METAP2: variants seen among roughly 807,000 people sequenced by gnomAD.
The protein encoded by METAP2 is methionyl aminopeptidase 2.
In METAP2, 25 loss-of-function variants were observed where a neutral mutation model predicts 59.4. That is an observed-to-expected ratio of 0.42 (90% CI 0.31 to 0.59). The LOEUF (loss-of-function observed/expected upper bound fraction) is 0.59, where lower values mean the gene tolerates loss of function less well. Ranked by LOEUF, METAP2 falls within the 20% of genes least tolerant of loss-of-function variation. The pLI is 0.16. For synonymous variants in METAP2, 214 were observed against 194.1 expected (o/e 1.10, Z -0.85); for missense variants, 366 against 581.2 (o/e 0.63, Z 3.81).
Position 95,506,093 on chromosome 12 carries a change from T to C in METAP2, c.964+1932T>C, listed in dbSNP as rs574656347. Among the ~76,000 whole-genome samples, 6 of 151,222 alleles carry C rather than the reference T, an allele frequency of 4.0e-5. No individual in the cohort carries two copies. In the South Asian group the frequency reaches 1.3e-3, roughly 32 times the overall value. On this transcript the variant is annotated intron_variant, in intron 8 of 10. Coordinates refer to ENST00000323666, the MANE Select transcript of METAP2 (RefSeq NM_006838.4). Reference sequence around the variant, plus strand: ...GCCTGGGCGACAGAGTGAGACTTCGTCTGGGGAAAAAAATAAAAAAGAGTC... The same window carrying C: ...GCCTGGGCGACAGAGTGAGACTTCGCCTGGGGAAAAAAATAAAAAAGAGTC...
intron 4 of METAP2, among the ~76,000 whole-genome samples, chr12:95,489,787 G>C (rs996527867): frequency 6.6e-6 from 1 of 152,156 alleles, no homozygotes; most frequent in Non-Finnish European, 1.5e-5. Flanking sequence ...GCGGTGAGCT[G>C]AGATGACACC....
At chr12:95,483,370 G>A (rs1192129885) in intron 3 of METAP2, 90 bp downstream of exon 3, 7 of 979,606 alleles carry the variant, frequency 7.1e-6, no homozygotes, top group South Asian at 5.7e-5. Flanking sequence ...CAGCTACTCC[G>A]GAGGCTGAGG....
intron 2 of METAP2, among the ~76,000 whole-genome samples, chr12:95,479,586 A>G (rs1410110305): frequency 6.6e-6 from 1 of 151,948 alleles, no homozygotes; most frequent in African/African-American, 2.4e-5. Context: ...ATTAACATAT[A>G]ATTTCCCTAA....
chr12:95,477,745 G>C (rs890415544), intron 2 of METAP2, among the ~76,000 whole-genome samples: 5 of 152,168 alleles, frequency 3.3e-5, no homozygotes, highest in African/African-American at 9.7e-5. Flanking sequence ...TATTGTGTTA[G>C]GGTAATGTAG....
intron 4 of METAP2, among the ~76,000 whole-genome samples, chr12:95,490,103 CT>C (rs573271455): frequency 7.7e-4 from 109 of 142,036 alleles, no homozygotes; most frequent in Admixed American, 9.9e-4. Context: ...AGTTTTTTTT[CT>C]TTTTTTTTTT....
In METAP2 at chr12:95,512,528, A is replaced by G. The variant is rs79792503; in HGVS notation, c.1069-273A>G. Reference sequence around the variant, plus strand: ...GGAGTTTGAGACCATCCTGGCCAACATGGTGGAACCTTGTATCTACTAAAA... The same window carrying G: ...GGAGTTTGAGACCATCCTGGCCAACGTGGTGGAACCTTGTATCTACTAAAA... On this transcript the variant is annotated intron_variant, in intron 9 of 10. Transcript: ENST00000323666. Among the ~76,000 whole-genome samples, 3 of 152,292 alleles carry G rather than the reference A, an allele frequency of 2.0e-5. No individual in the cohort carries two copies. The South Asian group carries it at 6.2e-4, about 32-fold the overall frequency.
intron 8 of METAP2, among the ~76,000 whole-genome samples, chr12:95,508,970 A>G (rs2076381840): frequency 6.6e-6 from 1 of 152,186 alleles, no homozygotes; most frequent in Admixed American, 6.5e-5. Context: ...GAGATGAAGA[A>G]ATGGATTCCG....
At chr12:95,502,828 C>G (rs935180607) in intron 7 of METAP2, among the ~76,000 whole-genome samples, 1 of 151,790 alleles carries the variant, frequency 6.6e-6, no homozygotes, top group African/African-American at 2.4e-5. Context: ...TTTGCCTGCT[C>G]AAATACTTTT....
intron 10 of METAP2, 91 bp from the exon 11 acceptor site, chr12:95,513,561 A>G (rs1297705387): frequency 1.4e-6 from 2 of 1,431,634 alleles, no homozygotes; most frequent in Non-Finnish European, 1.9e-6. Context: ...TTCAACTACT[A>G]GGACACAGCT....
intron 9 of METAP2, 39 bp from the exon 10 acceptor site, chr12:95,512,762 T>C: frequency 8.9e-7 from 1 of 1,117,828 alleles, no homozygotes; most frequent in Non-Finnish European, 1.3e-6. Flanking sequence ...TTCTGAATTT[T>C]TCTTCTTTCT....
At chr12:95,500,305 G>A (rs137878668) in intron 7 of METAP2, among the ~76,000 whole-genome samples, 22 of 152,176 alleles carry the variant, frequency 1.4e-4, no homozygotes, top group African/African-American at 5.1e-4. Context: ...TCTTTTGTGT[G>A]GAATCTTTAG....
intron 7 of METAP2, among the ~76,000 whole-genome samples, chr12:95,499,611 G>A (rs1441956192): frequency 1.3e-5 from 2 of 151,294 alleles, no homozygotes; most frequent in Non-Finnish European, 2.9e-5. Flanking sequence ...ATTTTGATAG[G>A]GATTGTGTTG....
At chr12:95,488,742 A>G (rs991148458) in intron 4 of METAP2, among the ~76,000 whole-genome samples, 1 of 152,032 alleles carries the variant, frequency 6.6e-6, no homozygotes, top group Non-Finnish European at 1.5e-5. Flanking sequence ...CTGTATTCCC[A>G]TGTATATAAT....
Position 95,513,675 on chromosome 12 carries a change from T to C in METAP2, c.1208T>C (p.Leu403Ser). ...AGGCTTCCAAGAACAAAACACTTGT[T>C]AAATGTCATCAATGAAAACTTTGGA... is the stretch of plus-strand genomic sequence containing the variant. ...PIRLPRTKHL[L>S]NVINENFGTL... The change falls in exon 11 of 11, where the codon TTA becomes TCA. Residue 403 changes from leucine (L) to serine (S), a missense_variant. Physicochemically the swap from Leu to Ser is moderately radical, Grantham distance 145. Transcript: ENST00000323666. 6.2e-7 allele frequency: 1 copy of C among 1,614,152 alleles called. No individual in the cohort carries two copies. Among genetic ancestry groups the C allele is most frequent in the Non-Finnish European group, 8.5e-7 (1 of 1,180,004 alleles).
intron 8 of METAP2, among the ~76,000 whole-genome samples, chr12:95,508,186 G>A (rs556277723): frequency 6.6e-6 from 1 of 152,204 alleles, no homozygotes; most frequent in Admixed American, 6.5e-5. Flanking sequence ...CTTAGTAAGG[G>A]TAAACATACT....
intron 4 of METAP2, among the ~76,000 whole-genome samples, chr12:95,491,373 A>G (rs570928828): frequency 4.6e-5 from 7 of 152,268 alleles, no homozygotes; most frequent in African/African-American, 1.7e-4. Context: ...ACTATTCTGT[A>G]AGAAGAATTT....
At chr12:95,502,453 T>A (rs1162960550) in intron 7 of METAP2, among the ~76,000 whole-genome samples, 4 of 152,244 alleles carry the variant, frequency 2.6e-5, no homozygotes, top group African/African-American at 7.2e-5. Context: ...TGAAGTCTAA[T>A]TGAGCATCCC....
At chr12:95,492,927 T>A (rs1383777311) in intron 4 of METAP2, among the ~76,000 whole-genome samples, 1 of 152,190 alleles carries the variant, frequency 6.6e-6, no homozygotes, top group African/African-American at 2.4e-5. Context: ...AAAATAGCTA[T>A]AGACAGTACA....
At chr12:95,497,843 G>C (rs2076286269) in intron 7 of METAP2, among the ~76,000 whole-genome samples, 1 of 151,718 alleles carries the variant, frequency 6.6e-6, no homozygotes, top group African/African-American at 2.4e-5. Context: ...ATTAAAAAAT[G>C]TAGGCCAGAT....
Sources: gnomAD v4.1 joint callset for allele counts (sites outside exome capture counted in the v4.1 genomes callset) on GRCh38, gnomAD v4.1.1 for gene constraint, MANE v1.5 for transcripts, NCBI Gene and HGNC (gene_info 2026-07-23, HGNC 2026-07-21) for gene names.